The following GFPT1 variants were observed in gnomAD, a reference collection of about 807,000 sequenced individuals.
The protein encoded by GFPT1 is glutamine--fructose-6-phosphate transaminase 1, also known as glutamine--fructose-6-phosphate aminotransferase [isomerizing] 1.
In GFPT1, 40 loss-of-function variants were observed where a neutral mutation model predicts 92.0. The ratio of observed to expected loss-of-function variants is 0.43; its 90% CI spans 0.34 to 0.57. The LOEUF is 0.57. Ranked by LOEUF, GFPT1 falls within the 20% of genes least tolerant of loss-of-function variation. GFPT1 has a pLI of 0.02. For synonymous variants in GFPT1, 269 were observed against 280.6 expected, an observed-to-expected ratio of 0.96 and a Z score of 0.41; for missense variants, 448 against 869.1, an observed-to-expected ratio of 0.52 and a Z score of 6.09.
chr2:69,386,579 C>G (rs755522473), intron 1 of GFPT1, among the ~76,000 whole-genome samples: 2 of 152,178 alleles, frequency 1.3e-5, no homozygotes, highest in Non-Finnish European at 2.9e-5. Context: ...TACCGTGGCT[C>G]TAGCTAGGGT....
rs1182397366 is a variant in GFPT1 at position 69,324,403 on chromosome 2, C to G, written c.*1786G>C. 6.6e-6 allele frequency: 1 copy of G among 152,106 alleles called. No homozygotes were observed. The highest frequency in any genetic ancestry group is 6.5e-5 in the Admixed American group (1 of 15,274). 9.4% of individuals were successfully genotyped at this position (152,106 alleles called of 1,614,324 possible). On this transcript the variant is annotated 3_prime_UTR_variant, in exon 20 of 20. Transcript: ENST00000357308. ...ACAAAACATAAGAAATGACACTATA[C>G]ACACGCTAGCTGACTTACACAAAAT...
At chr2:69,338,203 TTAAG>T in intron 14 of GFPT1, 148 bp from the exon 15 acceptor site, 1 of 822,222 alleles carries the variant, frequency 1.2e-6, no homozygotes, top group Non-Finnish European at 2.0e-6. Flanking sequence ...TTATAAAACT[TTAAG>T]TAATATGGCT....
chr2:69,360,828 G>A (rs756635561), intron 4 of GFPT1, among the ~76,000 whole-genome samples: 7 of 152,054 alleles, frequency 4.6e-5, no homozygotes, highest in Non-Finnish European at 1.0e-4. Context: ...TCCACCTCTT[G>A]GGTTCCAGCG....
intron 9 of GFPT1, among the ~76,000 whole-genome samples, chr2:69,353,834 C>G (rs1671270069): frequency 6.6e-6 from 1 of 152,138 alleles, no homozygotes; most frequent in African/African-American, 2.4e-5. Context: ...AAATGTAAAT[C>G]CAACAATATG....
chr2:69,335,511 T>C (rs1357995011), intron 15 of GFPT1, among the ~76,000 whole-genome samples: 3 of 152,164 alleles, frequency 2.0e-5, no homozygotes, highest in Non-Finnish European at 4.4e-5. Context: ...ATACACCACG[T>C]TGTAGCCCTT....
In GFPT1 at chr2:69,353,266, G is replaced by A. The variant is rs192152074; in HGVS notation, c.739+993C>T. Among the ~76,000 whole-genome samples, 712 of 152,260 alleles carry A rather than the reference G, an allele frequency of 4.7e-3. 10 individuals are homozygous for A. The highest frequency in any genetic ancestry group is 0.011 in the Admixed American group (173 of 15,294). On this transcript the variant is annotated intron_variant, in intron 9 of 19. Transcript: ENST00000357308. Reference sequence around the variant, plus strand: ...TAAAGTTAGCTGGGAGCCAGGCACAGTGGCTCATTCCTGTAATCCCTGTAA... The same window carrying A: ...TAAAGTTAGCTGGGAGCCAGGCACAATGGCTCATTCCTGTAATCCCTGTAA...
At chr2:69,365,349 G>C (rs1466812492) in intron 3 of GFPT1, among the ~76,000 whole-genome samples, 1 of 152,140 alleles carries the variant, frequency 6.6e-6, no homozygotes, top group Non-Finnish European at 1.5e-5. Flanking sequence ...GCACACGCCT[G>C]TAATCCCAGC....
At chr2:69,373,319 T>C (rs897928642) in intron 2 of GFPT1, among the ~76,000 whole-genome samples, 2 of 152,156 alleles carry the variant, frequency 1.3e-5, no homozygotes, top group African/African-American at 4.8e-5. Context: ...TTATGTGTAA[T>C]TTATTTAAGA....
At chr2:69,374,866 TACTC>T (rs993649333) in intron 1 of GFPT1, among the ~76,000 whole-genome samples, 27 of 152,100 alleles carry the variant, frequency 1.8e-4, no homozygotes, top group Non-Finnish European at 3.5e-4. Flanking sequence ...ATATGAAAAA[TACTC>T]ACCCCTTAAA....
chr2:69,359,176 A>ATG (rs1280466892), intron 5 of GFPT1, 92 bp downstream of exon 5: 1 of 773,966 alleles, frequency 1.3e-6, no homozygotes, highest in East Asian at 2.5e-5. Flanking sequence ...TGACACACAT[A>ATG]TGGTGTTTGT....
At position 69,348,401 on chromosome 2, in the gene GFPT1, T is replaced by C. The variant is rs150908944; in HGVS notation, c.846-67A>G. The C allele has an allele frequency of 1.8e-3, 2,318 of 1,282,170 alleles. 4 individuals are homozygous for C. Among genetic ancestry groups the C allele is most frequent in the Non-Finnish European group, 2.5e-3 (2,218 of 879,818 alleles). The allele number at this position is 1,282,170 out of a possible 1,614,324, so 79.4% of individuals were successfully genotyped here. ...ATCATTATTACAAATGAAACTATCA[T>C]TTGGATACAAGAACCAAATTTCAAT... On this transcript the variant is annotated intron_variant, in intron 10 of 19. Transcript: ENST00000357308.
Position 69,326,102 on chromosome 2 carries a change from G to T in GFPT1, c.*87C>A. The stretch of plus-strand genomic sequence containing the variant: ...GATTTACTAAAAAAAGGCTTCAAGG[G>T]GTGATATTTTAAATCAAGGTTTTAA... On this transcript the variant is annotated 3_prime_UTR_variant, in exon 20 of 20. Transcript: ENST00000357308. 1 of 814,800 alleles carries T rather than the reference G, an allele frequency of 1.2e-6. No individual in the cohort carries two copies. 50.5% of individuals were successfully genotyped at this position (814,800 alleles called of 1,614,324 possible).
chr2:69,377,311 CA>C (rs1264758427), intron 1 of GFPT1, among the ~76,000 whole-genome samples: 1 of 151,604 alleles, frequency 6.6e-6, no homozygotes, highest in Non-Finnish European at 1.5e-5. Context: ...CTTCTAACTC[CA>C]ATCTCCTTGG....
At position 69,360,756 on chromosome 2, in the gene GFPT1, A is replaced by G. The variant is rs181234670; in HGVS notation, c.350-1430T>C. Among the ~76,000 whole-genome samples, 420 of 152,194 alleles carry G rather than the reference A, an allele frequency of 2.8e-3. 7 individuals carry two copies. Among genetic ancestry groups the G allele is most frequent in the Non-Finnish European group, 9.9e-4 (67 of 68,008 alleles). The stretch of plus-strand genomic sequence containing the variant: ...AAAATGTTCTTTTTCCTTTTCTGAG[A>G]CAAAGTCTTGCTCTGTCACCCAGAC... On this transcript the variant is annotated intron_variant, in intron 4 of 19. Coordinates refer to ENST00000357308, the MANE Select transcript of GFPT1 (RefSeq NM_001244710.2).
intron 2 of GFPT1, 117 bp from the exon 3 acceptor site, chr2:69,370,225 T>A: frequency 1.4e-6 from 1 of 718,358 alleles, no homozygotes; most frequent in Non-Finnish European, 2.5e-6. Flanking sequence ...TTCACTAATG[T>A]ATTAATTCAA....
chr2:69,368,447 G>T (rs1011560237), intron 3 of GFPT1, among the ~76,000 whole-genome samples: 1 of 152,100 alleles, frequency 6.6e-6, no homozygotes, highest in African/African-American at 2.4e-5. Context: ...AAACCAGTTG[G>T]CCAGGCTCAG....
chr2:69,372,480 G>A (rs1408790821), intron 2 of GFPT1, among the ~76,000 whole-genome samples: 4 of 151,972 alleles, frequency 2.6e-5, no homozygotes, highest in Non-Finnish European at 5.9e-5. Context: ...TAAGGCAGAA[G>A]AATCAGCTGA....
At chr2:69,347,071 A>C (rs1671100999) in intron 11 of GFPT1, among the ~76,000 whole-genome samples, 1 of 151,964 alleles carries the variant, frequency 6.6e-6, no homozygotes, top group South Asian at 2.1e-4. Flanking sequence ...CACCATGCCC[A>C]TAATTTTCTT....
At chr2:69,380,404 G>C (rs370722281) in intron 1 of GFPT1, among the ~76,000 whole-genome samples, 1 of 152,128 alleles carries the variant, frequency 6.6e-6, no homozygotes, top group African/African-American at 2.4e-5. Flanking sequence ...AACATATGGA[G>C]TGAAACAATT....
Sources: gnomAD v4.1 joint callset for allele counts (sites outside exome capture counted in the v4.1 genomes callset) on GRCh38, gnomAD v4.1.1 for gene constraint, MANE v1.5 for transcripts, NCBI Gene and HGNC (gene_info 2026-07-23, HGNC 2026-07-21) for gene names.